Variants in JARID2 observed in about 807,000 individuals in gnomAD.
JARID2 encodes jumonji and AT-rich interaction domain containing 2, also known as protein Jumonji.
A neutral mutation model predicts 125.6 loss-of-function variants in JARID2; 21 were observed. The observed-to-expected ratio is 0.17, with a 90% CI of 0.12 to 0.24. The LOEUF (loss-of-function observed/expected upper bound fraction) is 0.24. Ranked by LOEUF, JARID2 falls within the 10% of genes least tolerant of loss-of-function variation. The pLI, the probability that JARID2 is intolerant of heterozygous loss-of-function variation, is 1.00. For synonymous variants in JARID2, 736 were observed against 661.6 expected, an observed-to-expected ratio of 1.11 and a Z score of -1.73; for missense variants, 1,303 against 1,639.6, an observed-to-expected ratio of 0.79 and a Z score of 3.55.
intron 9 of JARID2, 120 bp downstream of exon 9, chr6:15,504,712 C>A: frequency 1.5e-6 from 1 of 675,840 alleles, no homozygotes. Flanking sequence ...TCAGATGGGG[C>A]TGAGTTCGTC....
chr6:15,487,641 G>A lies in JARID2; in HGVS notation c.906+99G>A, dbSNP rs984361732. The A allele has an allele frequency of 2.1e-5, 23 of 1,081,934 alleles. No homozygotes were observed. The African/African-American group carries it at 3.4e-4, about 16-fold the overall frequency. 67.0% of individuals were successfully genotyped at this position (1,081,934 alleles called of 1,614,324 possible). A position where few individuals can be genotyped will look rare whatever the true frequency, so the allele number is the denominator to read the frequency against. ...CATCTTCAGAGGGCTCAAGAAGCAG[G>A]AGGTGATGCCCAGAAGCAAGACAGG... On this transcript the variant is annotated intron_variant, in intron 6 of 17. Coordinates refer to ENST00000341776, the MANE Select transcript of JARID2 (RefSeq NM_004973.4).
intron 2 of JARID2, among the ~76,000 whole-genome samples, chr6:15,405,496 T>G (rs1440584313): frequency 6.6e-6 from 1 of 152,256 alleles, no homozygotes; most frequent in African/African-American, 2.4e-5. Context: ...TTTACAATTT[T>G]CAGCTCATAT....
At chr6:15,286,086 G>C (rs1259424606) in intron 1 of JARID2, among the ~76,000 whole-genome samples, 3 of 152,030 alleles carry the variant, frequency 2.0e-5, no homozygotes, top group Non-Finnish European at 4.4e-5. Flanking sequence ...TGTCTCCCAG[G>C]CTGGAGTGCA....
At chr6:15,450,523 A>G (rs1455392674) in intron 3 of JARID2, among the ~76,000 whole-genome samples, 3 of 152,140 alleles carry the variant, frequency 2.0e-5, no homozygotes, top group African/African-American at 7.2e-5. Flanking sequence ...TATCCATCCT[A>G]CGTAGTGTTT....
chr6:15,385,223 A>T (rs6905698), intron 2 of JARID2, among the ~76,000 whole-genome samples: 2 of 151,914 alleles, frequency 1.3e-5, no homozygotes, highest in Non-Finnish European at 2.9e-5. Context: ...GTTTAGCTCT[A>T]GCTGATCCTT....
At chr6:15,332,263 G>T (rs1197656601) in intron 1 of JARID2, among the ~76,000 whole-genome samples, 1 of 152,160 alleles carries the variant, frequency 6.6e-6, no homozygotes, top group Non-Finnish European at 1.5e-5. Context: ...AAATTAGCAA[G>T]CTACCTCAGG....
At chr6:15,464,903 T>A (rs1422780222) in intron 4 of JARID2, among the ~76,000 whole-genome samples, 3 of 152,166 alleles carry the variant, frequency 2.0e-5, no homozygotes, top group Non-Finnish European at 4.4e-5. Flanking sequence ...GAAGAAATTG[T>A]GTTCTTTCTT....
chr6:15,282,402 A>G (rs903466277), intron 1 of JARID2, among the ~76,000 whole-genome samples: 1 of 151,698 alleles, frequency 6.6e-6, no homozygotes, highest in Non-Finnish European at 1.5e-5. Context: ...ATCACTCATC[A>G]TTGTCTTAAT....
chr6:15,343,786 G>T (rs987316152), intron 1 of JARID2, among the ~76,000 whole-genome samples: 1 of 152,198 alleles, frequency 6.6e-6, no homozygotes, highest in Non-Finnish European at 1.5e-5. Flanking sequence ...CTATAAGCCA[G>T]CTAGACAAGC....
intron 1 of JARID2, among the ~76,000 whole-genome samples, chr6:15,361,232 T>C (rs138900497): frequency 3.5e-4 from 54 of 152,312 alleles, no homozygotes; most frequent in African/African-American, 9.9e-4. Flanking sequence ...GTTGTCAGTC[T>C]TTGGCACCAC....
At position 15,283,173 on chromosome 6, in the gene JARID2, T is replaced by G. The variant is rs1415859838; in HGVS notation, c.45+36589T>G. Among the ~76,000 whole-genome samples, 6 of 147,664 alleles carry G rather than the reference T, an allele frequency of 4.1e-5. No homozygotes were observed. The East Asian group carries it at 1.0e-3, about 25-fold the overall frequency. On this transcript the variant is annotated intron_variant, in intron 1 of 17. Transcript: ENST00000341776. The stretch of plus-strand genomic sequence containing the variant: ...TTTTGTATTTTTATTAGAGACGGGG[T>G]TTCACCGTGTTAGCCAGGACGGTCT...
rs34203284 is a variant in JARID2, at chr6:15,401,898, G to GTT, written c.182-8305_182-8304dup. Among the ~76,000 whole-genome samples the GTT allele has an allele frequency of 6.3e-4, 80 of 126,462 alleles. 1 individual carries two copies. The highest frequency in any genetic ancestry group is 2.3e-3 in the East Asian group (10 of 4,352). The allele number at this position is 126,462 out of a possible 152,430, so 83.0% of individuals were successfully genotyped here. A position where few individuals can be genotyped will look rare whatever the true frequency, so the allele number is the denominator to read the frequency against. On this transcript the variant is annotated intron_variant, in intron 2 of 17. Coordinates refer to ENST00000341776, the MANE Select transcript of JARID2 (RefSeq NM_004973.4). ...TTTCTGAAGTTATTTGTTGTCAGCA[G>GTT]TTTTTTTTTTTTTTTTTTTTTTACT...
At chr6:15,491,422 T>C (rs1039984984) in intron 6 of JARID2, among the ~76,000 whole-genome samples, 5 of 152,266 alleles carry the variant, frequency 3.3e-5, no homozygotes, top group Non-Finnish European at 7.3e-5. Flanking sequence ...TCACTGTCTG[T>C]CCAGTGCATT....
intron 4 of JARID2, among the ~76,000 whole-genome samples, chr6:15,458,926 C>T (rs969968492): frequency 2.0e-5 from 3 of 152,096 alleles, no homozygotes; most frequent in Non-Finnish European, 4.4e-5. Flanking sequence ...CTGGAGTATC[C>T]CTTGGCGTTC....
intron 12 of JARID2, among the ~76,000 whole-genome samples, chr6:15,510,844 G>A (rs901378832): frequency 1.3e-5 from 2 of 152,214 alleles, no homozygotes; most frequent in African/African-American, 2.4e-5. Context: ...CTGGAGGGCC[G>A]AGGGAGCCAC....
chr6:15,509,162 G>A, intron 12 of JARID2: 9 of 1,284,674 alleles, frequency 7.0e-6, no homozygotes, highest in Non-Finnish European at 9.1e-6. Flanking sequence ...GTCCCCGCCT[G>A]TAATCCTGAC....
intron 3 of JARID2, among the ~76,000 whole-genome samples, chr6:15,434,031 C>T (rs1338185755): frequency 6.6e-6 from 1 of 151,250 alleles, no homozygotes; most frequent in Non-Finnish European, 1.5e-5. Context: ...TCCCTGGTTT[C>T]ACATGTTTCA....
intron 1 of JARID2, among the ~76,000 whole-genome samples, chr6:15,256,236 A>T (rs1405920563): frequency 6.6e-6 from 1 of 152,190 alleles, no homozygotes; most frequent in Non-Finnish European, 1.5e-5. Context: ...CTGCACTTTG[A>T]TTCTTAATAA....
At chr6:15,356,605 TTA>T (rs1344447185) in intron 1 of JARID2, among the ~76,000 whole-genome samples, 1 of 152,210 alleles carries the variant, frequency 6.6e-6, no homozygotes, top group East Asian at 1.9e-4. Flanking sequence ...AAGAAATGTA[TTA>T]TAGTTTTATT....
Sources: gnomAD v4.1 joint callset for allele counts (sites outside exome capture counted in the v4.1 genomes callset) on GRCh38, gnomAD v4.1.1 for gene constraint, MANE v1.5 for transcripts, NCBI Gene and HGNC (gene_info 2026-07-23, HGNC 2026-07-21) for gene names.